SETX: variants seen among roughly 807,000 people sequenced by gnomAD.
SETX encodes the protein helicase senataxin.
SETX carries 90 observed loss-of-function variants against 227.2 expected under a neutral mutation model. That is an observed-to-expected ratio of 0.40 (90% CI 0.33 to 0.47). The LOEUF is 0.47. Among genes scored for constraint, SETX ranks in the 20% least tolerant of loss-of-function variants. The pLI is 0.91. For missense variants in SETX, 3,052 were observed against 3,181.5 expected (o/e 0.96, Z 0.98); for synonymous variants, 1,210 against 1,113.2 (o/e 1.09, Z -1.73).
At chr9:132,278,333 G>T in intron 20 of SETX, 76 bp from the exon 21 acceptor site, 1 of 1,416,056 alleles carries the variant, frequency 7.1e-7, no homozygotes. Flanking sequence ...CACAATTACT[G>T]AGATCTAATA....
intron 1 of SETX, among the ~76,000 whole-genome samples, chr9:132,354,267 C>T (rs1382327685): frequency 1.3e-5 from 2 of 152,112 alleles, no homozygotes; most frequent in Admixed American, 1.3e-4. Flanking sequence ...GGCGCGGCGG[C>T]TCGGAGGATC....
chr9:132,271,854 T>C, intron 23 of SETX, 46 bp from the exon 24 acceptor site: 1 of 1,512,062 alleles, frequency 6.6e-7, no homozygotes, highest in Non-Finnish European at 9.2e-7. Flanking sequence ...GGAAGATAAT[T>C]ATTAAGTATA....
chr9:132,287,237 C>A (rs1843958290), intron 17 of SETX, among the ~76,000 whole-genome samples: 1 of 152,172 alleles, frequency 6.6e-6, no homozygotes, highest in Non-Finnish European at 1.5e-5. Flanking sequence ...GTAATCCTGG[C>A]ACTTTGGGAG....
chr9:132,306,195 A>G (rs542850000), intron 11 of SETX, among the ~76,000 whole-genome samples: 2 of 152,244 alleles, frequency 1.3e-5, no homozygotes, highest in East Asian at 3.9e-4. Context: ...AGAATTACTA[A>G]TACTAAGCCA....
At chr9:132,301,783 T>C (rs1845013082) in intron 11 of SETX, among the ~76,000 whole-genome samples, 1 of 152,202 alleles carries the variant, frequency 6.6e-6, no homozygotes, top group African/African-American at 2.4e-5. Context: ...TGATTGTACA[T>C]ACAAGAATTT....
intron 10 of SETX, among the ~76,000 whole-genome samples, chr9:132,317,801 T>C (rs1367178002): frequency 6.6e-6 from 1 of 152,154 alleles, no homozygotes; most frequent in Non-Finnish European, 1.5e-5. Flanking sequence ...TTTCTAGCTT[T>C]TTTTTATTTC....
In SETX at chr9:132,328,464, T is replaced by A; in HGVS notation, c.3134A>T (p.His1045Leu). 6.2e-7 allele frequency: 1 copy of A among 1,613,798 alleles called. No homozygotes were observed. The highest frequency in any genetic ancestry group is 8.5e-7 in the Non-Finnish European group (1 of 1,179,966). The change falls in exon 10 of 26, where the codon CAT becomes CTT. Residue 1045 changes from histidine to leucine, a missense_variant. Physicochemically the swap from His to Leu is moderately conservative, Grantham distance 99. This residue lies in a region of SETX where 1,483 missense variants were observed against 1,312.0 expected (regional missense o/e 1.13). Coordinates refer to ENST00000224140, the MANE Select transcript of SETX (RefSeq NM_015046.7). The stretch of plus-strand genomic sequence containing the variant: ...AACTGTTGAAACGTGCTGCTCTGGA[T>A]GTTCCCTCTCAAGGCATATTTTGTC... ...KQDKICLERE[H>L]PEQHVSTVNS...
rs1842420400 is a variant in SETX at position 132,261,720 on chromosome 9, CT to C, written c.*2518del. The C allele has an allele frequency of 6.5e-6, 1 of 154,050 alleles. No homozygotes were observed. Among genetic ancestry groups the C allele is most frequent in the East Asian group, 1.9e-4 (1 of 5,202 alleles). 9.5% of individuals were successfully genotyped at this position (154,050 alleles called of 1,614,324 possible). A position where few individuals can be genotyped will look rare whatever the true frequency, so the allele number is the denominator to read the frequency against. ...TCACATGTACTTGTCAAATTTACTCCTGATAATTCACAAAAACATACAACTC... is the reference window on the plus strand; with the variant it reads ...TCACATGTACTTGTCAAATTTACTCCGATAATTCACAAAAACATACAACTC... On this transcript the variant is annotated 3_prime_UTR_variant, in exon 26 of 26. Transcript: ENST00000224140.
At chr9:132,355,643 C>T (rs563113889), upstream of SETX, among the ~76,000 whole-genome samples, 103 of 152,150 alleles carry the variant, frequency 6.8e-4, 1 homozygote, top group South Asian at 7.1e-3. Flanking sequence ...GTTCAGAGAC[C>T]AGCCTGTGCA....
chr9:132,320,354 T>C (rs1389059527), intron 10 of SETX, among the ~76,000 whole-genome samples: 1 of 151,960 alleles, frequency 6.6e-6, no homozygotes, highest in Admixed American at 6.6e-5. Flanking sequence ...GGCGAGCAGA[T>C]CACAAGGTCA....
At chr9:132,288,416 C>T (rs1844059748) in intron 16 of SETX, 65 bp from the exon 17 acceptor site, 1 of 1,436,570 alleles carries the variant, frequency 7.0e-7, no homozygotes, top group Non-Finnish European at 9.7e-7. Context: ...CACACATATA[C>T]AACACAATGA....
chr9:132,328,314 T>C lies in SETX; in HGVS notation c.3284A>G (p.Asp1095Gly). The C allele has an allele frequency of 6.2e-7, 1 of 1,614,052 alleles. No individual in the cohort carries two copies. The highest frequency in any genetic ancestry group is 8.5e-7 in the Non-Finnish European group (1 of 1,180,000). ...AACTGAATTATTATCGTCTGGATGA[T>C]CTTGCCAAACTGAAAACACTTCAGA... is the stretch of plus-strand genomic sequence containing the variant. ...SSSEVFSVWQ[D>G]HPDDNNSVQD... The change falls in exon 10 of 26, where the codon GAT (aspartate) becomes GGT (glycine). Residue 1095 changes from aspartate to glycine, a missense_variant. By Grantham distance (94) the Asp-to-Gly change is moderately conservative. Around this residue, in one of 10 missense-constraint regions of SETX, gnomAD observed 1,483 missense variants for 1,312.0 expected, o/e 1.13. Coordinates refer to ENST00000224140, the MANE Select transcript of SETX (RefSeq NM_015046.7).
intron 15 of SETX, among the ~76,000 whole-genome samples, chr9:132,291,106 T>C (rs1844270225): frequency 6.6e-6 from 1 of 151,836 alleles, no homozygotes; most frequent in South Asian, 2.1e-4. Flanking sequence ...TTTATCCCAG[T>C]TCAGCTCATT....
chr9:132,265,670 C>T (rs936397010), intron 25 of SETX, among the ~76,000 whole-genome samples: 1 of 152,154 alleles, frequency 6.6e-6, no homozygotes, highest in Admixed American at 6.6e-5. Context: ...AAGTACACAG[C>T]GGTCACACAC....
At chr9:132,309,352 A>G (rs757617661) in intron 11 of SETX, among the ~76,000 whole-genome samples, 4 of 152,062 alleles carry the variant, frequency 2.6e-5, no homozygotes, top group Non-Finnish European at 5.9e-5. Context: ...CTTTCAATAA[A>G]TAGTACTGGG....
chr9:132,329,708 C>T lies in SETX; in HGVS notation c.1890G>A (p.Thr630=), dbSNP rs780021483. The stretch of plus-strand genomic sequence containing the variant: ...CCAAACAATGCATATCTTTTCTAGA[C>T]GTCTTCCCCATTTGTTCACTTTCTT... ...NKEESEQMGK[T]SRKDMHCLEA... is the part of the protein sequence containing the mutation. Residue 630 remains threonine, a synonymous_variant, in exon 10 of 26, where the codon ACG becomes ACA. Transcript: ENST00000224140. 2.5e-5 allele frequency: 40 copies of T among 1,613,952 alleles called. No individual in the cohort carries two copies. The highest frequency in any genetic ancestry group is 8.3e-5 in the Admixed American group (5 of 59,990).
intron 3 of SETX, among the ~76,000 whole-genome samples, chr9:132,347,123 G>A (rs956385103): frequency 2.6e-5 from 4 of 151,624 alleles, no homozygotes; most frequent in Non-Finnish European, 5.9e-5. Context: ...GCGTAGTGGT[G>A]CATGCCTGTA....
chr9:132,316,220 C>A (rs1845959485), intron 10 of SETX, among the ~76,000 whole-genome samples: 1 of 152,182 alleles, frequency 6.6e-6, no homozygotes. Context: ...AACTTCCTTT[C>A]CTCCTTTCAG....
At chr9:132,343,168 A>T (rs959735722) in intron 4 of SETX, among the ~76,000 whole-genome samples, 2 of 151,930 alleles carry the variant, frequency 1.3e-5, no homozygotes, top group African/African-American at 2.4e-5. Context: ...AAATACAAAA[A>T]ATTAGCCGGG....
Sources: gnomAD v4.1 joint callset for allele counts (sites outside exome capture counted in the v4.1 genomes callset) on GRCh38, gnomAD v4.1.1 for gene constraint, gnomAD v4.1.1 regional missense constraint, MANE v1.5 for transcripts, NCBI Gene and HGNC (gene_info 2026-07-23, HGNC 2026-07-21) for gene names.